CACNA2D2: variants seen among roughly 807,000 people sequenced by gnomAD.
The protein encoded by CACNA2D2 is calcium voltage-gated channel auxiliary subunit alpha2delta 2, also known as voltage-dependent calcium channel subunit alpha-2/delta-2.
In CACNA2D2, 48 loss-of-function variants were observed where a neutral mutation model predicts 166.4. That is an observed-to-expected ratio of 0.29 (90% CI 0.23 to 0.37). The LOEUF (loss-of-function observed/expected upper bound fraction) is 0.37. CACNA2D2 is among the 10% of genes least tolerant of loss of function. The pLI is 1.00. For missense variants in CACNA2D2, 1,122 were observed against 1,433.0 expected, an observed-to-expected ratio of 0.78 and a Z score of 3.50; for synonymous variants, 561 against 573.7, an observed-to-expected ratio of 0.98 and a Z score of 0.32.
intron 3 of CACNA2D2, among the ~76,000 whole-genome samples, chr3:50,407,535 T>C (rs1706782354): frequency 6.6e-6 from 1 of 152,152 alleles, no homozygotes. Context: ...CTGGTTCTAG[T>C]AGGACCTGGG....
intron 4 of CACNA2D2, among the ~76,000 whole-genome samples, chr3:50,391,067 G>T (rs1705864880): frequency 6.6e-6 from 1 of 152,208 alleles, no homozygotes; most frequent in Admixed American, 6.5e-5. Flanking sequence ...GGGGCCCTAT[G>T]GCTGGGTCAG....
At chr3:50,401,811 C>T (rs1211442519) in intron 3 of CACNA2D2, among the ~76,000 whole-genome samples, 3 of 152,012 alleles carry the variant, frequency 2.0e-5, no homozygotes, top group African/African-American at 4.8e-5. Flanking sequence ...TGGGTTCAGG[C>T]GATTCTCCTG....
At chr3:50,472,844 G>A (rs1277349692) in intron 2 of CACNA2D2, among the ~76,000 whole-genome samples, 1 of 152,192 alleles carries the variant, frequency 6.6e-6, no homozygotes, top group Non-Finnish European at 1.5e-5. Context: ...TGAGCTCAGA[G>A]CCCAAGCATA....
chr3:50,455,662 G>A (rs1709325902), intron 2 of CACNA2D2, among the ~76,000 whole-genome samples: 1 of 152,182 alleles, frequency 6.6e-6, no homozygotes, highest in African/African-American at 2.4e-5. Flanking sequence ...ACCTCAGGGA[G>A]CAAGCACACA....
chr3:50,371,334 G>A (rs761384671), intron 22 of CACNA2D2, among the ~76,000 whole-genome samples: 1 of 151,104 alleles, frequency 6.6e-6, no homozygotes, highest in Non-Finnish European at 1.5e-5. Flanking sequence ...ATGTGTGGGT[G>A]AGTGAGCATG....
chr3:50,451,378 G>A (rs1005120123), intron 2 of CACNA2D2, among the ~76,000 whole-genome samples: 14 of 151,772 alleles, frequency 9.2e-5, no homozygotes, highest in East Asian at 1.9e-4. Flanking sequence ...TGCCCACCTC[G>A]GCCTCCCAAA....
At chr3:50,438,256 C>A (rs148428150) in intron 2 of CACNA2D2, among the ~76,000 whole-genome samples, 2 of 152,128 alleles carry the variant, frequency 1.3e-5, no homozygotes, top group African/African-American at 4.8e-5. Flanking sequence ...CATGGCTCAG[C>A]TGGTGCCCTC....
Position 50,394,104 on chromosome 3 carries a change from C to G in CACNA2D2, c.465+5G>C. On this transcript the variant is annotated splice_donor_5th_base_variant and intron_variant, in intron 4 of 37. Coordinates refer to ENST00000424201, the MANE Select transcript of CACNA2D2 (RefSeq NM_006030.4). ...AAGTGCTGGGCAGGGTGCTGGGGTT[C>G]CTACCTTGATGTTGTCCTGCCAGCG... 1 of 1,613,928 alleles carries G rather than the reference C, an allele frequency of 6.2e-7. No homozygotes were observed.
intron 3 of CACNA2D2, among the ~76,000 whole-genome samples, chr3:50,425,703 G>A (rs1263529582): frequency 2.0e-5 from 3 of 151,978 alleles, no homozygotes; most frequent in Admixed American, 6.6e-5. Flanking sequence ...TGCTCCCTTC[G>A]CCACCTGGGA....
In CACNA2D2 at chr3:50,427,644, T is replaced by C. The variant is rs967920659; in HGVS notation, c.405+6669A>G. ...GAGAAGGGTGGGAGGAGGCAGCCAA[T>C]GCCACAGGATTTCCTGCCTGTCCAT... On this transcript the variant is annotated intron_variant, in intron 3 of 37. Coordinates refer to ENST00000424201, the MANE Select transcript of CACNA2D2 (RefSeq NM_006030.4). This position sits in a 1 kb window ranked among gnomAD's most constrained non-coding sequence, Gnocchi z 4.7. 3.9e-5 allele frequency among the ~76,000 whole-genome samples: 6 copies of C among 152,212 alleles called. No homozygotes were observed. Among genetic ancestry groups the C allele is most frequent in the African/African-American group, 1.4e-4 (6 of 41,460 alleles).
chr3:50,472,369 T>C (rs1184546783), intron 2 of CACNA2D2, among the ~76,000 whole-genome samples: 1 of 152,200 alleles, frequency 6.6e-6, no homozygotes, highest in Admixed American at 6.5e-5. Context: ...AAGGCTTCCA[T>C]GGGTCCAGAA....
intron 4 of CACNA2D2, among the ~76,000 whole-genome samples, chr3:50,391,777 G>A (rs1372697797): frequency 6.6e-6 from 1 of 152,226 alleles, no homozygotes; most frequent in Non-Finnish European, 1.5e-5. Context: ...AATACAGGGA[G>A]GGCCACACCC....
At chr3:50,487,174 C>T (rs1168095436) in intron 1 of CACNA2D2, among the ~76,000 whole-genome samples, 2 of 148,296 alleles carry the variant, frequency 1.3e-5, no homozygotes, top group Non-Finnish European at 1.5e-5. Context: ...CCTAGGCTGT[C>T]AGGCCTCCTT....
At chr3:50,393,750 C>A (rs909014478) in intron 4 of CACNA2D2, among the ~76,000 whole-genome samples, 1 of 152,208 alleles carries the variant, frequency 6.6e-6, no homozygotes. Flanking sequence ...GCATCTCTTG[C>A]AGGTCACTGT....
chr3:50,482,240 G>A (rs886358755), intron 1 of CACNA2D2, among the ~76,000 whole-genome samples: 4 of 152,106 alleles, frequency 2.6e-5, no homozygotes, highest in African/African-American at 7.2e-5. Context: ...CTAGGCCCTC[G>A]CCCTGCTGCA....
chr3:50,498,086 G>A (rs1482590720), intron 1 of CACNA2D2, among the ~76,000 whole-genome samples: 2 of 152,156 alleles, frequency 1.3e-5, no homozygotes, highest in African/African-American at 4.8e-5. Flanking sequence ...AGGTCTGGAG[G>A]CAAATCTCCG....
chr3:50,434,453 G>C, intron 2 of CACNA2D2, 24 bp from the exon 3 acceptor site: 1 of 1,567,390 alleles, frequency 6.4e-7, no homozygotes, highest in Non-Finnish European at 8.8e-7. Flanking sequence ...GAAGCCAGGG[G>C]TGAGACCAGG....
At chr3:50,469,160 G>C (rs1709958332) in intron 2 of CACNA2D2, among the ~76,000 whole-genome samples, 1 of 152,104 alleles carries the variant, frequency 6.6e-6, no homozygotes, top group African/African-American at 2.4e-5. Context: ...CATGAGGCCT[G>C]AAAGACAAGG....
intron 4 of CACNA2D2, among the ~76,000 whole-genome samples, chr3:50,392,714 T>C (rs1158937473): frequency 1.3e-5 from 2 of 152,176 alleles, no homozygotes; most frequent in Non-Finnish European, 2.9e-5. Flanking sequence ...TCACACCCCA[T>C]AGCTGAGCTC....
Sources: allele counts gnomAD v4.1 joint callset (sites outside exome capture counted in the v4.1 genomes callset), GRCh38; gene constraint gnomAD v4.1.1; non-coding constraint Gnocchi (gnomAD v3.1); transcripts MANE v1.5; gene names NCBI Gene and HGNC (gene_info 2026-07-23, HGNC 2026-07-21).